The following TENM2 variants were observed in gnomAD, a reference collection of about 807,000 sequenced individuals.
The protein encoded by TENM2 is teneurin-2.
TENM2 carries 52 observed loss-of-function variants against 245.2 expected under a neutral mutation model. The observed-to-expected ratio is 0.21, with a 90% CI of 0.17 to 0.27. TENM2 has a LOEUF of 0.27. Among genes scored for constraint, TENM2 ranks in the 10% least tolerant of loss-of-function variants. TENM2 has a pLI of 1.00. For missense variants in TENM2, 3,046 were observed against 3,666.8 expected (o/e 0.83, Z 4.37); for synonymous variants, 1,363 against 1,438.9 (o/e 0.95, Z 1.19).
chr5:168,181,043 C>T (rs1172194417), intron 13 of TENM2, among the ~76,000 whole-genome samples: 1 of 152,220 alleles, frequency 6.6e-6, no homozygotes, highest in African/African-American at 2.4e-5. Context: ...TAAAGCTTAG[C>T]CACTGGAAAT....
chr5:167,977,887 A>AG (rs1446948233), intron 4 of TENM2, among the ~76,000 whole-genome samples: 1 of 152,172 alleles, frequency 6.6e-6, no homozygotes, highest in South Asian at 2.1e-4. Context: ...CCAATGTTGG[A>AG]GGCGGGCCCT....
the TENM2 span, among the ~76,000 whole-genome samples, chr5:167,233,589 A>G: frequency 2.0e-5 from 3 of 152,196 alleles, no homozygotes; most frequent in Non-Finnish European, 4.4e-5. Context: ...AATTAGGGAG[A>G]GTGAAATAGT....
chr5:167,885,092 A>G (rs1487087293), intron 3 of TENM2, among the ~76,000 whole-genome samples: 3 of 152,044 alleles, frequency 2.0e-5, no homozygotes, highest in African/African-American at 7.2e-5. Context: ...TAATCAGATC[A>G]TTTGTTTTTT....
chr5:167,134,586 A>G, the TENM2 span, among the ~76,000 whole-genome samples: 2 of 152,206 alleles, frequency 1.3e-5, no homozygotes, highest in Non-Finnish European at 2.9e-5. Flanking sequence ...TGCCTGGCAA[A>G]GTGGAATTAG....
the TENM2 span, among the ~76,000 whole-genome samples, chr5:167,059,498 C>G: frequency 6.6e-6 from 1 of 152,102 alleles, no homozygotes; most frequent in Admixed American, 6.6e-5. Context: ...AAAGATCATA[C>G]TTTGTAGTGG....
At chr5:167,229,651 C>T in the TENM2 span, among the ~76,000 whole-genome samples, 82 of 152,224 alleles carry the variant, frequency 5.4e-4, no homozygotes, top group East Asian at 0.01. Context: ...GATGCCACTG[C>T]GGGTAGACTG....
At chr5:167,727,219 C>T (rs565158370) in intron 2 of TENM2, among the ~76,000 whole-genome samples, 1 of 147,400 alleles carries the variant, frequency 6.8e-6, no homozygotes, top group South Asian at 2.1e-4. Context: ...ATGCCATTCT[C>T]CTGCCTCAGC....
chr5:167,528,584 G>C (rs1771276505), intron 2 of TENM2, among the ~76,000 whole-genome samples: 1 of 152,014 alleles, frequency 6.6e-6, no homozygotes, highest in African/African-American at 2.4e-5. Context: ...AAGTGAGCTG[G>C]GATTCAAGTC....
chr5:167,154,944 AGTCGTACATATT>A, the TENM2 span, among the ~76,000 whole-genome samples: 1 of 152,240 alleles, frequency 6.6e-6, no homozygotes, highest in East Asian at 1.9e-4. Flanking sequence ...AAAGCATAAA[AGTCGTACATATT>A]GCCTTGTAAT....
chr5:167,098,022 C>A, the TENM2 span, among the ~76,000 whole-genome samples: 1 of 151,954 alleles, frequency 6.6e-6, no homozygotes. Flanking sequence ...CCATTTTTTC[C>A]TCCGAGTTTA....
intron 3 of TENM2, among the ~76,000 whole-genome samples, chr5:167,945,574 C>A (rs370364467): frequency 6.6e-6 from 1 of 152,164 alleles, no homozygotes; most frequent in Non-Finnish European, 1.5e-5. Flanking sequence ...TAGTCCTTTA[C>A]GAACGTAGGC....
At chr5:167,698,840 C>T (rs1028113454) in intron 2 of TENM2, among the ~76,000 whole-genome samples, 2 of 151,780 alleles carry the variant, frequency 1.3e-5, no homozygotes, top group Admixed American at 1.3e-4. Context: ...CCCGCCACCA[C>T]GCCCAGCTAA....
At chr5:168,098,816 GAC>G (rs1305202298) in intron 9 of TENM2, among the ~76,000 whole-genome samples, 2 of 151,912 alleles carry the variant, frequency 1.3e-5, no homozygotes, top group Non-Finnish European at 2.9e-5. Context: ...CAGACACATA[GAC>G]ACACAAGGGT....
At chr5:167,960,688 C>G (rs1175536351) in intron 4 of TENM2, among the ~76,000 whole-genome samples, 2 of 152,170 alleles carry the variant, frequency 1.3e-5, no homozygotes, top group Non-Finnish European at 2.9e-5. Flanking sequence ...CTTCAGCCCC[C>G]TTTCCAGGGG....
At chr5:167,142,717 A>AT in the TENM2 span, among the ~76,000 whole-genome samples, 11 of 151,994 alleles carry the variant, frequency 7.2e-5, no homozygotes, top group African/African-American at 2.7e-4. Context: ...TGCCCAGCTA[A>AT]TTTTTTGTAT....
At chr5:168,014,215 T>C (rs1785484390) in intron 5 of TENM2, among the ~76,000 whole-genome samples, 1 of 152,254 alleles carries the variant, frequency 6.6e-6, no homozygotes, top group Admixed American at 6.5e-5. Flanking sequence ...CGATAGTTAA[T>C]ATTTTTGAGC....
chr5:167,182,404 G>T, the TENM2 span, among the ~76,000 whole-genome samples: 3 of 152,000 alleles, frequency 2.0e-5, no homozygotes, highest in Non-Finnish European at 2.9e-5. Context: ...TGTAATCCCA[G>T]TTGTATTTTA....
intron 7 of TENM2, among the ~76,000 whole-genome samples, chr5:168,088,630 A>T (rs1471022387): frequency 6.6e-6 from 1 of 152,146 alleles, no homozygotes; most frequent in Non-Finnish European, 1.5e-5. Context: ...GCATTATCTC[A>T]TGTCATCCTT....
At chr5:167,034,965 C>G in the TENM2 span, among the ~76,000 whole-genome samples, 16 of 152,178 alleles carry the variant, frequency 1.1e-4, no homozygotes, top group Non-Finnish European at 1.9e-4. Context: ...AAGAACAAAC[C>G]TACACACATA....
Sources: gnomAD v4.1 joint callset for allele counts (sites outside exome capture counted in the v4.1 genomes callset) on GRCh38, gnomAD v4.1.1 for gene constraint, MANE v1.5 for transcripts, NCBI Gene and HGNC (gene_info 2026-07-23, HGNC 2026-07-21) for gene names.